The following EPC2 variants were observed in gnomAD, a reference collection of about 807,000 sequenced individuals.
EPC2 encodes the protein enhancer of polycomb homolog 2.
Under a neutral mutation model 92.1 loss-of-function variants are expected in EPC2, and 14 were observed. The observed-to-expected ratio is 0.15, with a 90% CI of 0.10 to 0.24. EPC2 has a LOEUF of 0.24. Among genes scored for constraint, EPC2 ranks in the 10% least tolerant of loss-of-function variants. EPC2 has a pLI of 1.00. For synonymous variants in EPC2, 340 were observed against 334.7 expected (o/e 1.02, Z -0.17); for missense variants, 755 against 971.5 (o/e 0.78, Z 2.96).
intron 2 of EPC2, among the ~76,000 whole-genome samples, chr2:148,696,001 G>T (rs1031161144): frequency 6.6e-6 from 1 of 152,208 alleles, no homozygotes; most frequent in African/African-American, 2.4e-5. Context: ...TAGCTCTAAG[G>T]ATATTCCTCT....
intron 1 of EPC2, among the ~76,000 whole-genome samples, chr2:148,655,792 T>G (rs1680780948): frequency 1.3e-5 from 2 of 152,170 alleles, no homozygotes. Flanking sequence ...GGCTGCAGAT[T>G]TTATTCCCAT....
At chr2:148,752,678 G>T (rs1683102990) in intron 3 of EPC2, among the ~76,000 whole-genome samples, 1 of 152,014 alleles carries the variant, frequency 6.6e-6, no homozygotes, top group Non-Finnish European at 1.5e-5. Flanking sequence ...CTCTTCCTGT[G>T]GTCAAACTAG....
intron 2 of EPC2, among the ~76,000 whole-genome samples, chr2:148,694,222 A>C (rs1000955608): frequency 6.6e-6 from 1 of 152,216 alleles, no homozygotes; most frequent in African/African-American, 2.4e-5. Flanking sequence ...TAGAAATTAA[A>C]AGGTGAGTTC....
intron 2 of EPC2, among the ~76,000 whole-genome samples, chr2:148,708,434 A>G (rs1235032496): frequency 2.8e-4 from 42 of 152,196 alleles, no homozygotes; most frequent in Admixed American, 2.7e-3. Context: ...AGCTGGTACC[A>G]TTCCTTCTGA....
At chr2:148,650,436 G>A (rs1159964654) in intron 1 of EPC2, among the ~76,000 whole-genome samples, 3 of 151,924 alleles carry the variant, frequency 2.0e-5, no homozygotes, top group Non-Finnish European at 4.4e-5. Context: ...CTTTTCACAC[G>A]CCGATATGGT....
intron 2 of EPC2, among the ~76,000 whole-genome samples, chr2:148,720,689 C>A (rs1682353288): frequency 6.6e-6 from 1 of 152,178 alleles, no homozygotes; most frequent in African/African-American, 2.4e-5. Context: ...AGCGTGGTTT[C>A]CCTGGGTCGC....
intron 2 of EPC2, among the ~76,000 whole-genome samples, chr2:148,709,655 C>G (rs1682088613): frequency 6.6e-6 from 1 of 152,098 alleles, no homozygotes; most frequent in Non-Finnish European, 1.5e-5. Flanking sequence ...GAGATATAAA[C>G]CAACAGAACA....
Position 148,781,728 on chromosome 2 carries a change from A to C in EPC2, c.1805A>C (p.Gln602Pro). The C allele has an allele frequency of 6.2e-7, 1 of 1,614,036 alleles. No homozygotes were observed. Among genetic ancestry groups the C allele is most frequent in the Non-Finnish European group, 8.5e-7 (1 of 1,179,886 alleles). The stretch of plus-strand genomic sequence containing the variant: ...CAAAGGCAGCAACTTGCCCAGCTTC[A>C]GCAGAAACAGCAATCTCAGCATTCC... ...QMQRQQLAQL[Q>P]QKQQSQHSSQ... Residue 602 changes from glutamine to proline, a missense_variant, in exon 11 of 14, where the codon CAG becomes CCG. Physicochemically the swap from Gln to Pro is moderately conservative, Grantham distance 76. Coordinates refer to ENST00000258484, the MANE Select transcript of EPC2 (RefSeq NM_015630.4).
chr2:148,761,674 C>A, intron 4 of EPC2, 108 bp from the exon 5 acceptor site: 1 of 722,942 alleles, frequency 1.4e-6, no homozygotes, highest in Non-Finnish European at 2.1e-6. Flanking sequence ...TTTTTTTTAA[C>A]ATTTTACTTT....
chr2:148,654,611 TAG>T (rs1045294601), intron 1 of EPC2, among the ~76,000 whole-genome samples: 21 of 152,166 alleles, frequency 1.4e-4, no homozygotes, highest in African/African-American at 4.1e-4. Context: ...TGAACTGTGA[TAG>T]CGCCACTGCA....
chr2:148,723,885 T>C (rs60800042), intron 2 of EPC2, among the ~76,000 whole-genome samples: 2,152 of 152,246 alleles, frequency 0.014, 53 homozygotes, highest in African/African-American at 0.05. Flanking sequence ...ATTTGTAGCT[T>C]TGTTTTTTTA....
intron 1 of EPC2, among the ~76,000 whole-genome samples, chr2:148,668,999 G>C (rs183847138): frequency 2.6e-5 from 4 of 152,108 alleles, no homozygotes; most frequent in Admixed American, 1.3e-4. Context: ...GTTTAGTGCT[G>C]CAAATTTTTT....
chr2:148,675,299 T>C lies in EPC2; in HGVS notation c.154-14915T>C, dbSNP rs1681239742. Among the ~76,000 whole-genome samples, 3 of 152,194 alleles carry C rather than the reference T, an allele frequency of 2.0e-5. No homozygotes were observed. In the South Asian group the frequency reaches 6.2e-4, roughly 31 times the overall value. On this transcript the variant is annotated intron_variant, in intron 1 of 13. Transcript: ENST00000258484. Reference sequence around the variant, plus strand: ...TCTTAGTTTTGGAGATTTTCAGATTTCAGGTGATTTTTAAAATTTTTCGTA... The same window carrying C: ...TCTTAGTTTTGGAGATTTTCAGATTCCAGGTGATTTTTAAAATTTTTCGTA...
intron 3 of EPC2, among the ~76,000 whole-genome samples, chr2:148,747,280 A>G (rs1458379023): frequency 6.6e-6 from 1 of 151,890 alleles, no homozygotes; most frequent in Non-Finnish European, 1.5e-5. Context: ...ATTTTCCATC[A>G]TTTTCCTTCC....
At chr2:148,724,063 A>T (rs1558820912) in intron 2 of EPC2, among the ~76,000 whole-genome samples, 1 of 152,104 alleles carries the variant, frequency 6.6e-6, no homozygotes, top group South Asian at 2.1e-4. Flanking sequence ...GTTTTAAAGA[A>T]GTTTTTGACT....
chr2:148,752,971 T>C (rs1683107741), intron 3 of EPC2, among the ~76,000 whole-genome samples: 1 of 152,198 alleles, frequency 6.6e-6, no homozygotes, highest in Non-Finnish European at 1.5e-5. Context: ...CCTTCATCTC[T>C]AAAATAATAC....
intron 3 of EPC2, among the ~76,000 whole-genome samples, chr2:148,749,056 C>T (rs955684806): frequency 2.0e-5 from 3 of 152,160 alleles, no homozygotes; most frequent in African/African-American, 7.2e-5. Flanking sequence ...TTCTGGTCCT[C>T]TAATGTACCA....
chr2:148,784,046 G>T (rs1219281362), intron 12 of EPC2, among the ~76,000 whole-genome samples: 1 of 152,118 alleles, frequency 6.6e-6, no homozygotes, highest in East Asian at 1.9e-4. Flanking sequence ...AATCTGTTGA[G>T]CTAACCATCC....
Position 148,783,659 on chromosome 2 carries a change from A to T in EPC2, c.1920A>T (p.Ala640=), listed in dbSNP as rs912342527. 6.2e-7 allele frequency: 1 copy of T among 1,604,440 alleles called. No individual in the cohort carries two copies. Among genetic ancestry groups the T allele is most frequent in the Non-Finnish European group, 8.5e-7 (1 of 1,175,028 alleles). The change falls in exon 12 of 14, where the codon GCA becomes GCT. Residue 640 remains alanine, a synonymous_variant. Coordinates refer to ENST00000258484, the MANE Select transcript of EPC2 (RefSeq NM_015630.4). ...TLDSASAHFA[A]SAVVSAPVPS... is the part of the protein sequence containing the mutation. ...ACTCAGCCAGCGCCCACTTTGCTGC[A>T]TCTGCAGTGGTCAGTGCACCTGTTC...
Sources: allele counts gnomAD v4.1 joint callset (sites outside exome capture counted in the v4.1 genomes callset), GRCh38; gene constraint gnomAD v4.1.1; transcripts MANE v1.5; gene names NCBI Gene and HGNC (gene_info 2026-07-23, HGNC 2026-07-21).